TIAM2: variants seen among roughly 807,000 people sequenced by gnomAD.
The protein encoded by TIAM2 is TIAM Rac1 associated GEF 2.
In TIAM2, 80 loss-of-function variants were observed where a neutral mutation model predicts 152.9. That is an observed-to-expected ratio of 0.52 (90% CI 0.44 to 0.63). TIAM2 has a LOEUF of 0.63. TIAM2 is among the 30% of genes least tolerant of loss of function. TIAM2 has a pLI of 0.00. For missense variants in TIAM2, 1,965 were observed against 2,120.1 expected, an observed-to-expected ratio of 0.93 and a Z score of 1.44; for synonymous variants, 804 against 838.0, an observed-to-expected ratio of 0.96 and a Z score of 0.70.
chr6:155,250,691 G>A, intron 21 of TIAM2: 1 of 1,397,514 alleles, frequency 7.2e-7, no homozygotes, highest in Non-Finnish European at 9.8e-7. Flanking sequence ...GCGTGCACTG[G>A]AGCAAAATGC....
At chr6:155,249,227 G>GTT (rs1213481151) in intron 20 of TIAM2, among the ~76,000 whole-genome samples, 2 of 152,212 alleles carry the variant, frequency 1.3e-5, no homozygotes, top group Non-Finnish European at 2.9e-5. Flanking sequence ...ATAAAATAAT[G>GTT]TATCTCTCAT....
At position 155,144,254 on chromosome 6, in the gene TIAM2, C is replaced by G. The variant is rs377547907; in HGVS notation, c.1631-352C>G. Among the ~76,000 whole-genome samples, 28 of 152,306 alleles carry G rather than the reference C, an allele frequency of 1.8e-4. No homozygotes were observed. In the South Asian group the frequency reaches 5.8e-3, roughly 32 times the overall value. On this transcript the variant is annotated intron_variant, in intron 5 of 26. Coordinates refer to ENST00000682666, the MANE Select transcript of TIAM2 (RefSeq NM_012454.4). ...ACTTCTCAATGGATCGAGACCAGTC[C>G]TAGATACTTTTTGGGTCACAGTAGA...
chr6:155,042,204 G>A (rs1046002368), intron 1 of TIAM2, among the ~76,000 whole-genome samples: 2 of 151,578 alleles, frequency 1.3e-5, no homozygotes, highest in Non-Finnish European at 2.9e-5. Context: ...CCGCAGACCC[G>A]CCCCCGCCCC....
chr6:155,120,331 C>G (rs1779123124), intron 2 of TIAM2, among the ~76,000 whole-genome samples: 1 of 152,212 alleles, frequency 6.6e-6, no homozygotes, highest in African/African-American at 2.4e-5. Context: ...TTCTGAGGCC[C>G]TTCACAGCAG....
intron 15 of TIAM2, among the ~76,000 whole-genome samples, chr6:155,223,730 T>G (rs1782141478): frequency 6.6e-6 from 1 of 152,074 alleles, no homozygotes; most frequent in Non-Finnish European, 1.5e-5. Context: ...TTTAGTAAAA[T>G]AAATAGCTGT....
At chr6:155,065,704 GGTTGCAGTGA>G (rs1216359921) in intron 1 of TIAM2, among the ~76,000 whole-genome samples, 4 of 152,278 alleles carry the variant, frequency 2.6e-5, no homozygotes, top group Admixed American at 1.3e-4. Flanking sequence ...GGGAAGTGGA[GGTTGCAGTGA>G]GCCCAGAGTG....
intron 1 of TIAM2, among the ~76,000 whole-genome samples, chr6:155,015,368 C>T (rs1187359860): frequency 6.6e-6 from 1 of 151,968 alleles, no homozygotes; most frequent in Non-Finnish European, 1.5e-5. Context: ...GCCTCGTGAG[C>T]AGTTAGAAAT....
chr6:155,064,642 T>A (rs905372030), intron 1 of TIAM2, among the ~76,000 whole-genome samples: 4 of 152,128 alleles, frequency 2.6e-5, no homozygotes, highest in Non-Finnish European at 4.4e-5. Flanking sequence ...AGGTGGAGGG[T>A]TGACAAGGTT....
intron 19 of TIAM2, among the ~76,000 whole-genome samples, chr6:155,246,961 C>T (rs748214626): frequency 1.2e-4 from 19 of 152,222 alleles, no homozygotes; most frequent in Non-Finnish European, 1.9e-4. Flanking sequence ...CTGGTGTATC[C>T]GCTGGTACCC....
At chr6:155,242,154 C>T (rs3922766) in intron 16 of TIAM2, among the ~76,000 whole-genome samples, 51,632 of 152,142 alleles carry the variant, frequency 0.34, 9,565 homozygotes, top group Middle Eastern at 0.5. Context: ...CAGCCCTTTG[C>T]CCCCCGCAGC....
Position 155,130,313 on chromosome 6 carries a change from A to G in TIAM2, c.1090A>G (p.Lys364Glu), listed in dbSNP as rs1446696394. ...CTTCACTCTCCCCTGTCGGAAGCCC[A>G]AAGCCTTTGTTGAGGATACTGCGAA... is the stretch of plus-strand genomic sequence containing the variant. Reference protein sequence around the residue: ...SSFTLPCRKPKAFVEDTAKKD... With the variant: ...SSFTLPCRKPEAFVEDTAKKD... Residue 364 changes from lysine (K) to glutamate (E), a missense_variant, in exon 4 of 27, where the codon AAA (lysine) becomes GAA (glutamate). By Grantham distance (56) the Lys-to-Glu change is moderately conservative (BLOSUM62 1). Around this residue, in one of 3 missense-constraint regions of TIAM2, gnomAD observed 1,025 missense variants for 1,119.4 expected, o/e 0.92. Transcript: ENST00000682666. 6.2e-7 allele frequency: 1 copy of G among 1,614,168 alleles called. No homozygotes were observed. Among genetic ancestry groups the G allele is most frequent in the South Asian group, 1.1e-5 (1 of 91,078 alleles).
At chr6:155,191,651 G>A (rs968658636) in intron 14 of TIAM2, among the ~76,000 whole-genome samples, 2 of 152,074 alleles carry the variant, frequency 1.3e-5, no homozygotes, top group Non-Finnish European at 2.9e-5. Context: ...AATTAGCCAG[G>A]CGTTGTGGCG....
chr6:155,211,437 T>C (rs1286257779), intron 15 of TIAM2, 130 bp downstream of exon 15: 1 of 637,672 alleles, frequency 1.6e-6, no homozygotes, highest in Non-Finnish European at 2.7e-6. Context: ...AACATACATA[T>C]ATATGTTAAG....
chr6:155,062,570 C>CTTTTTTTTTT (rs1777608855), intron 1 of TIAM2, among the ~76,000 whole-genome samples: 1 of 144,834 alleles, frequency 6.9e-6, no homozygotes, highest in Non-Finnish European at 1.5e-5. Context: ...TCTTTTTTTT[C>CTTTTTTTTTT]TTTTCTTTTT....
At chr6:155,062,859 G>A (rs2114940880) in intron 1 of TIAM2, among the ~76,000 whole-genome samples, 1 of 152,236 alleles carries the variant, frequency 6.6e-6, no homozygotes, top group Non-Finnish European at 1.5e-5. Flanking sequence ...ACAGGCGTGA[G>A]CCACCATGCC....
At chr6:155,182,122 C>A in intron 12 of TIAM2, 104 bp from the exon 13 acceptor site, 1 of 909,158 alleles carries the variant, frequency 1.1e-6, no homozygotes, top group East Asian at 2.5e-5. Context: ...TCTCAACATA[C>A]TGTACTTATG....
chr6:154,997,621 A>C (rs1212552320), intron 1 of TIAM2, among the ~76,000 whole-genome samples: 1 of 149,344 alleles, frequency 6.7e-6, no homozygotes, highest in Non-Finnish European at 1.5e-5. Context: ...CGAGTGAAGA[A>C]AGAATGGATT....
intron 1 of TIAM2, among the ~76,000 whole-genome samples, chr6:155,043,197 G>T (rs529467254): frequency 6.6e-6 from 1 of 152,154 alleles, no homozygotes; most frequent in Non-Finnish European, 1.5e-5. Context: ...CTCACCTGCT[G>T]CCCTCTGTGC....
At chr6:155,099,388 A>C (rs1257685289) in intron 2 of TIAM2, among the ~76,000 whole-genome samples, 1 of 152,190 alleles carries the variant, frequency 6.6e-6, no homozygotes. Flanking sequence ...AAAGCAATAC[A>C]TACCATGCTA....
Sources: allele counts gnomAD v4.1 joint callset (sites outside exome capture counted in the v4.1 genomes callset), GRCh38; gene constraint gnomAD v4.1.1; regional missense constraint gnomAD v4.1.1; transcripts MANE v1.5; gene names NCBI Gene and HGNC (gene_info 2026-07-23, HGNC 2026-07-21).